Variants in NIBAN2 observed in about 807,000 individuals in gnomAD.
NIBAN2 encodes the protein protein Niban 2.
NIBAN2 carries 36 observed loss-of-function variants against 81.8 expected under a neutral mutation model. That is an observed-to-expected ratio of 0.44 (90% CI 0.34 to 0.58). The LOEUF (loss-of-function observed/expected upper bound fraction) is 0.58, where lower values mean the gene tolerates loss of function less well. Among genes scored for constraint, NIBAN2 ranks in the 20% least tolerant of loss-of-function variants. The pLI, the probability that NIBAN2 is intolerant of heterozygous loss-of-function variation, is 0.02. For missense variants in NIBAN2, 897 were observed against 1,014.1 expected (o/e 0.88, Z 1.57); for synonymous variants, 445 against 441.6 (o/e 1.01, Z -0.10).
Position 127,509,875 on chromosome 9 carries a change from G to A in NIBAN2, c.1161+271C>T, listed in dbSNP as rs1836700984. ...CTCCTTCCCTCCTTCCCTCTCTTCT[G>A]TTAAATTCTTTTCTATTTTAGCACC... is the stretch of plus-strand genomic sequence containing the variant. On this transcript the variant is annotated intron_variant, in intron 9 of 13. Coordinates refer to ENST00000373312, the MANE Select transcript of NIBAN2 (RefSeq NM_022833.4). The A allele has an allele frequency of 2.7e-5, 4 of 148,878 alleles. No homozygotes were observed. The South Asian group carries it at 8.5e-4, about 32-fold the overall frequency. The allele number at this position is 148,878 out of a possible 1,614,324, so 9.2% of individuals were successfully genotyped here.
Position 127,508,216 on chromosome 9 carries a change from G to T in NIBAN2, c.1435-16C>A. 9 of 1,601,052 alleles carry T rather than the reference G, an allele frequency of 5.6e-6. No homozygotes were observed. Among genetic ancestry groups the T allele is most frequent in the Non-Finnish European group, 6.8e-6 (8 of 1,169,382 alleles). ...AGTCGTATTTCTGCAGGGAACAAGGGGGTCGGGGGTCTGCAGGTCAGTGGG... is the reference window on the plus strand; with the variant it reads ...AGTCGTATTTCTGCAGGGAACAAGGTGGTCGGGGGTCTGCAGGTCAGTGGG... On this transcript the variant is annotated splice_polypyrimidine_tract_variant and intron_variant, in intron 11 of 13. Coordinates refer to ENST00000373312, the MANE Select transcript of NIBAN2 (RefSeq NM_022833.4). The surrounding 1 kb of genome is among the most constrained non-coding windows in gnomAD (Gnocchi z 6.4).
At chr9:127,555,470 G>A (rs1446848912) in intron 1 of NIBAN2, among the ~76,000 whole-genome samples, 3 of 152,330 alleles carry the variant, frequency 2.0e-5, no homozygotes, top group African/African-American at 2.4e-5. Flanking sequence ...AAGCCAGCCC[G>A]CCCACCCAGA....
chr9:127,566,649 T>A (rs1293729568), intron 1 of NIBAN2, among the ~76,000 whole-genome samples: 2 of 152,050 alleles, frequency 1.3e-5, no homozygotes, highest in Admixed American at 1.3e-4. Flanking sequence ...CAGAGCACTG[T>A]GGGAAGGGAT....
chr9:127,540,162 G>A (rs558651428), intron 1 of NIBAN2, among the ~76,000 whole-genome samples: 4 of 152,188 alleles, frequency 2.6e-5, no homozygotes, highest in African/African-American at 4.8e-5. Flanking sequence ...CGGCCGGAAC[G>A]TTAATTAATC....
At position 127,505,538 on chromosome 9, in the gene NIBAN2, T is replaced by A. The variant is rs1836575423; in HGVS notation, c.*1307A>T. On this transcript the variant is annotated 3_prime_UTR_variant, in exon 14 of 14. Transcript: ENST00000373312. ...CCTGAGTGCCAGGCGCCACCACACG[T>A]CCTGTGGGTCAAGGCCCCTCCTCTG... 6.6e-6 allele frequency: 1 copy of A among 152,546 alleles called. No individual in the cohort carries two copies. The highest frequency in any genetic ancestry group is 2.1e-4 in the South Asian group (1 of 4,820). The allele number at this position is 152,546 out of a possible 1,614,324, so 9.4% of individuals were successfully genotyped here.
intron 8 of NIBAN2, among the ~76,000 whole-genome samples, chr9:127,515,956 G>C (rs1351817822): frequency 6.6e-6 from 1 of 152,072 alleles, no homozygotes; most frequent in East Asian, 1.9e-4. Context: ...TGGGCAACAT[G>C]GCAAAACCCT....
rs1205029958 is a variant in NIBAN2 at position 127,531,710 on chromosome 9, T to C, written c.124A>G (p.Asn42Asp). ...CCCTCAATCTCATGGCGCATGCTGT[T>C]GAAGAGAGCCACGCCATACTGGTCT... ...YEDQYGVALF[N>D]SMRHEIEGTG... The change falls in exon 2 of 14, where the codon AAC (asparagine) becomes GAC (aspartate). Residue 42 changes from asparagine (N) to aspartate (D), a missense_variant. Asn to Asp is a conservative substitution (Grantham distance 23). Coordinates refer to ENST00000373312, the MANE Select transcript of NIBAN2 (RefSeq NM_022833.4). 12 of 1,614,088 alleles carry C rather than the reference T, an allele frequency of 7.4e-6. No individual in the cohort carries two copies. Among genetic ancestry groups the C allele is most frequent in the Non-Finnish European group, 1.0e-5 (12 of 1,180,044 alleles).
chr9:127,535,384 G>A (rs1837256552), intron 1 of NIBAN2, among the ~76,000 whole-genome samples: 1 of 152,248 alleles, frequency 6.6e-6, no homozygotes, highest in African/African-American at 2.4e-5. Flanking sequence ...GGACAAAAGA[G>A]GGCAAGACTG....
At chr9:127,571,874 ATG>A (rs982856215), upstream of NIBAN2, among the ~76,000 whole-genome samples, 1 of 152,156 alleles carries the variant, frequency 6.6e-6, no homozygotes, top group African/African-American at 2.4e-5. Flanking sequence ...AGGAGAATTG[ATG>A]GCAAAAAAAA....
At chr9:127,572,629 T>C (rs1172909222), upstream of NIBAN2, among the ~76,000 whole-genome samples, 1 of 152,120 alleles carries the variant, frequency 6.6e-6, no homozygotes, top group African/African-American at 2.4e-5. Flanking sequence ...TTTATGGAGA[T>C]GGACCACAGA....
intron 1 of NIBAN2, among the ~76,000 whole-genome samples, chr9:127,575,230 CTT>C (rs11309796): frequency 2.1e-3 from 252 of 122,502 alleles, no homozygotes; most frequent in Admixed American, 3.2e-3. Flanking sequence ...AATATGGATT[CTT>C]TTTTTTTTTT....
chr9:127,558,526 G>A lies in NIBAN2; in HGVS notation c.55+10294C>T, dbSNP rs573178576. On this transcript the variant is annotated intron_variant, in intron 1 of 13. Transcript: ENST00000373312. Reference sequence around the variant, plus strand: ...TCATGGGGTCCTCCAGAACTAGGACGAGGAAGGGTCTGGGCCTGAAAAAGA... The same window carrying A: ...TCATGGGGTCCTCCAGAACTAGGACAAGGAAGGGTCTGGGCCTGAAAAAGA... 8.0e-4 allele frequency among the ~76,000 whole-genome samples: 121 copies of A among 152,124 alleles called. 2 individuals are homozygous for A. The highest frequency in any genetic ancestry group is 1.5e-3 in the Non-Finnish European group (105 of 68,018).
rs1241792368 is a variant in NIBAN2 at position 127,508,900 on chromosome 9, AGGGACCCCCT to A, written c.1317+66_1317+75del. 3.2e-6 allele frequency: 5 copies of A among 1,541,952 alleles called. No homozygotes were observed. The highest frequency in any genetic ancestry group is 4.5e-6 in the Non-Finnish European group (5 of 1,118,804). The stretch of plus-strand genomic sequence containing the variant: ...CTATGGCATGACGGGACGGAGCAGA[AGGGACCCCCT>A]GGGCGAGGGGGCCTGTGGAAGGCAG... On this transcript the variant is annotated intron_variant, in intron 10 of 13. Transcript: ENST00000373312. The surrounding 1 kb of genome is among the most constrained non-coding windows in gnomAD (Gnocchi z 6.4).
Position 127,559,102 on chromosome 9 carries a change from AC to A in NIBAN2, c.55+9717del, listed in dbSNP as rs1251390785. Among the ~76,000 whole-genome samples, 2 of 152,230 alleles carry A rather than the reference AC, an allele frequency of 1.3e-5. No individual in the cohort carries two copies. Among genetic ancestry groups the A allele is most frequent in the African/African-American group, 4.8e-5 (2 of 41,468 alleles). The stretch of plus-strand genomic sequence containing the variant: ...CTGAAACCAACATACACTCTGGGAA[AC>A]AAAGATCCACGGGCTTTGTAACATG... On this transcript the variant is annotated intron_variant, in intron 1 of 13. Transcript: ENST00000373312. This position sits in a 1 kb window ranked among gnomAD's most constrained non-coding sequence, Gnocchi z 4.0.
intron 1 of NIBAN2, among the ~76,000 whole-genome samples, chr9:127,549,763 A>C (rs1203750174): frequency 1.3e-5 from 2 of 152,138 alleles, no homozygotes; most frequent in Non-Finnish European, 2.9e-5. Flanking sequence ...GATAGAAGGA[A>C]AGTTTATTCA....
At chr9:127,537,137 G>T (rs139692297) in intron 1 of NIBAN2, among the ~76,000 whole-genome samples, 18 of 152,304 alleles carry the variant, frequency 1.2e-4, no homozygotes, top group African/African-American at 4.3e-4. Context: ...GCGGCCCCAG[G>T]TGCCCAGCCT....
chr9:127,578,147 C>T (rs928448873), intron 1 of NIBAN2, among the ~76,000 whole-genome samples: 8 of 146,688 alleles, frequency 5.5e-5, no homozygotes, highest in East Asian at 4.1e-4. Flanking sequence ...GCTGAGATCG[C>T]GCCACTGCAC....
chr9:127,518,018 C>A, intron 5 of NIBAN2, 77 bp from the exon 6 acceptor site: 2 of 852,896 alleles, frequency 2.3e-6, no homozygotes, highest in Non-Finnish European at 3.6e-6. Flanking sequence ...GAGAACTGAC[C>A]AAAACCCCCC....
At chr9:127,578,190 CA>C (rs35548393) in intron 1 of NIBAN2, among the ~76,000 whole-genome samples, 9,424 of 110,082 alleles carry the variant, frequency 0.086, 311 homozygotes, top group Middle Eastern at 0.13. Context: ...GACTCCATCT[CA>C]AAAAAAAAAA....
Sources: gnomAD v4.1 joint callset for allele counts (sites outside exome capture counted in the v4.1 genomes callset) on GRCh38, gnomAD v4.1.1 for gene constraint, Gnocchi (gnomAD v3.1) non-coding constraint, MANE v1.5 for transcripts, NCBI Gene and HGNC (gene_info 2026-07-23, HGNC 2026-07-21) for gene names.